Variants in ARHGAP32 observed in about 807,000 individuals in gnomAD.
ARHGAP32 encodes the protein rho GTPase-activating protein 32.
Under a neutral mutation model 186.5 loss-of-function variants are expected in ARHGAP32, and 51 were observed. That is an observed-to-expected ratio of 0.27 (90% CI 0.22 to 0.35). The LOEUF (loss-of-function observed/expected upper bound fraction) is 0.35. ARHGAP32 is among the 10% of genes least tolerant of loss of function. The pLI is 1.00. For missense variants in ARHGAP32, 2,186 were observed against 2,623.5 expected (o/e 0.83, Z 3.64); for synonymous variants, 950 against 964.3 (o/e 0.99, Z 0.27).
At chr11:129,176,767 T>G (rs1223389832) in intron 1 of ARHGAP32, among the ~76,000 whole-genome samples, 4 of 150,324 alleles carry the variant, frequency 2.7e-5, no homozygotes, top group African/African-American at 9.8e-5. Flanking sequence ...TACCAGAATC[T>G]CTGGGACGCA....
intron 11 of ARHGAP32, among the ~76,000 whole-genome samples, chr11:129,029,710 G>A (rs1939018384): frequency 7.0e-6 from 1 of 143,110 alleles, no homozygotes; most frequent in Non-Finnish European, 1.5e-5. Flanking sequence ...GCTGAGGCAG[G>A]AGAATGGCGT....
chr11:129,064,136 C>A, intron 8 of ARHGAP32, 112 bp from the exon 9 acceptor site: 43 of 601,894 alleles, frequency 7.1e-5, no homozygotes, highest in Middle Eastern at 5.6e-4. Flanking sequence ...CCCAAAGAGT[C>A]TTAAAAAAAA....
intron 10 of ARHGAP32, among the ~76,000 whole-genome samples, chr11:129,042,872 A>C (rs947913268): frequency 6.6e-6 from 1 of 151,950 alleles, no homozygotes; most frequent in African/African-American, 2.4e-5. Flanking sequence ...ACTTGGGGGG[A>C]TGAAGAAGTG....
At chr11:129,131,434 A>C (rs1942806931) in intron 2 of ARHGAP32, among the ~76,000 whole-genome samples, 1 of 152,220 alleles carries the variant, frequency 6.6e-6, no homozygotes, top group Non-Finnish European at 1.5e-5. Context: ...CATAGAACTG[A>C]AAAAGAATGA....
In ARHGAP32 at chr11:129,063,854, A is replaced by G. The variant is rs576709270; in HGVS notation, c.885+48T>C. ...GTTAAGAACAGTCAAAGATGAGGCC[A>G]GAAAGTTAGCAAGAACCAAATAACA... On this transcript the variant is annotated intron_variant, in intron 9 of 22. Coordinates refer to ENST00000682385, the MANE Select transcript of ARHGAP32 (RefSeq NM_001378024.1). 2.7e-4 allele frequency: 424 copies of G among 1,567,154 alleles called. 7 individuals carry two copies. The South Asian group carries it at 4.7e-3, about 17-fold the overall frequency.
At chr11:129,042,980 A>G (rs1273272599) in intron 10 of ARHGAP32, among the ~76,000 whole-genome samples, 3 of 152,212 alleles carry the variant, frequency 2.0e-5, no homozygotes, top group Non-Finnish European at 4.4e-5. Flanking sequence ...AAGTCATTCC[A>G]CAAAGTGGTG....
chr11:129,062,432 C>T, intron 9 of ARHGAP32, 75 bp from the exon 10 acceptor site: 1 of 1,268,396 alleles, frequency 7.9e-7, no homozygotes, highest in Non-Finnish European at 1.1e-6. Context: ...GAATTTAAAT[C>T]CGAACTGTAT....
chr11:129,135,492 G>T (rs1414071188), intron 2 of ARHGAP32, among the ~76,000 whole-genome samples: 1 of 152,222 alleles, frequency 6.6e-6, no homozygotes, highest in African/African-American at 2.4e-5. Flanking sequence ...CGCTGGCCGG[G>T]CGTGGTGGCT....
At chr11:129,080,347 T>C (rs1311740505) in intron 6 of ARHGAP32, among the ~76,000 whole-genome samples, 1 of 152,144 alleles carries the variant, frequency 6.6e-6, no homozygotes, top group Non-Finnish European at 1.5e-5. Flanking sequence ...GACCATATGA[T>C]AGGCCACAAA....
chr11:129,086,575 A>T (rs1323470551), intron 6 of ARHGAP32, among the ~76,000 whole-genome samples: 4 of 152,186 alleles, frequency 2.6e-5, no homozygotes, highest in African/African-American at 9.7e-5. Flanking sequence ...TAATCCCAGC[A>T]CTTTGGGAGG....
At chr11:129,279,578 G>A (rs1313470610), upstream of ARHGAP32, among the ~76,000 whole-genome samples, 1 of 145,904 alleles carries the variant, frequency 6.9e-6, no homozygotes, top group African/African-American at 2.5e-5. Context: ...CCCAGCCTCC[G>A]CCTCCTCCGC....
intron 11 of ARHGAP32, among the ~76,000 whole-genome samples, chr11:129,002,166 A>G (rs1946376734): frequency 6.6e-6 from 1 of 152,060 alleles, no homozygotes; most frequent in Admixed American, 6.5e-5. Flanking sequence ...ATTGCACTAA[A>G]TCTGTAGTTT....
In ARHGAP32 at chr11:129,164,233, T is replaced by C. The variant is rs1591663532; in HGVS notation, c.225+86A>G. ...GAACAAAGCAACAAAATTTTTTGTG[T>C]AATGTGTCCTCAGTTCCTTTTCCTT... On this transcript the variant is annotated intron_variant, in intron 2 of 22. Coordinates refer to ENST00000682385, the MANE Select transcript of ARHGAP32 (RefSeq NM_001378024.1). 3 of 815,118 alleles carry C rather than the reference T, an allele frequency of 3.7e-6. No individual in the cohort carries two copies. The East Asian group carries it at 8.2e-5, about 22-fold the overall frequency. The allele number at this position is 815,118 out of a possible 1,614,324, so 50.5% of individuals were successfully genotyped here.
intron 1 of ARHGAP32, among the ~76,000 whole-genome samples, chr11:129,212,067 A>C (rs1373256133): frequency 4.6e-5 from 7 of 152,090 alleles, no homozygotes; most frequent in Non-Finnish European, 1.0e-4. Context: ...AGGTGGAAGG[A>C]TTGCTTGTGC....
chr11:129,147,379 T>TC (rs1187130861), intron 2 of ARHGAP32, among the ~76,000 whole-genome samples: 2 of 152,276 alleles, frequency 1.3e-5, no homozygotes, highest in Admixed American at 1.3e-4. Context: ...TCACCTTTGT[T>TC]CCATTCAGTA....
intron 2 of ARHGAP32, among the ~76,000 whole-genome samples, chr11:129,138,438 T>A (rs758346400): frequency 6.6e-6 from 1 of 152,106 alleles, no homozygotes; most frequent in Non-Finnish European, 1.5e-5. Context: ...CAATTTGATA[T>A]GGAAAACTTG....
rs532985642 is a variant in ARHGAP32, at chr11:129,085,910, C to T, written c.531+7711G>A. Among the ~76,000 whole-genome samples the T allele has an allele frequency of 6.0e-3, 914 of 151,644 alleles. 11 individuals carry two copies. Among genetic ancestry groups the T allele is most frequent in the African/African-American group, 0.021 (873 of 41,316 alleles). On this transcript the variant is annotated intron_variant, in intron 6 of 22. Transcript: ENST00000682385. ...TCGGGAGGCTGAGGCAGCAGAAAGG[C>T]GTGAACCCGGGAGGCAGAGCTTGCA...
chr11:129,199,127 A>T (rs1446397966), intron 1 of ARHGAP32, among the ~76,000 whole-genome samples: 2 of 152,264 alleles, frequency 1.3e-5, no homozygotes, highest in African/African-American at 4.8e-5. Context: ...AGCATTCAAG[A>T]TGTGACTGGG....
In ARHGAP32 at chr11:128,970,976, C is replaced by A. The variant is rs780463827; in HGVS notation, c.4237G>T (p.Ala1413Ser). 6.2e-7 allele frequency: 1 copy of A among 1,613,750 alleles called. No individual in the cohort carries two copies. The highest frequency in any genetic ancestry group is 8.5e-7 in the Non-Finnish European group (1 of 1,179,984). ...GARVPLLHLR[A>S]ESVPAHPCGF... ...CAGGGATGCGCAGGGACAGACTCGG[C>A]GCGCAGGTGCAGCAGCGGGACCCGG... Residue 1413 changes from alanine (A) to serine (S), a missense_variant, in exon 23 of 23, where the codon GCC (alanine) becomes TCC (serine). By Grantham distance (99) the Ala-to-Ser change is moderately conservative (BLOSUM62 1). Coordinates refer to ENST00000682385, the MANE Select transcript of ARHGAP32 (RefSeq NM_001378024.1). This position sits in a 1 kb window ranked among gnomAD's most constrained non-coding sequence, Gnocchi z 5.8.
Sources: allele counts gnomAD v4.1 joint callset (sites outside exome capture counted in the v4.1 genomes callset), GRCh38; gene constraint gnomAD v4.1.1; non-coding constraint Gnocchi (gnomAD v3.1); transcripts MANE v1.5; gene names NCBI Gene and HGNC (gene_info 2026-07-23, HGNC 2026-07-21).